Variants in KIAA2012 observed in about 807,000 individuals in gnomAD.
The protein encoded by KIAA2012 is KIAA2012, also known as uncharacterized protein KIAA2012.
Under a neutral mutation model 150.6 loss-of-function variants are expected in KIAA2012, and 125 were observed. The ratio of observed to expected loss-of-function variants is 0.83; its 90% confidence interval spans 0.72 to 0.96. The LOEUF is 0.96. KIAA2012 is among the 40% of genes least tolerant of loss of function. The probability of loss-of-function intolerance (pLI) is 0.00; values close to 1 mark genes in which losing one functional copy is unlikely to be tolerated. For missense variants in KIAA2012, 1,219 were observed against 1,354.9 expected, an observed-to-expected ratio of 0.90 and a Z score of 1.57; for synonymous variants, 462 against 504.7, an observed-to-expected ratio of 0.92 and a Z score of 1.13.
Position 202,080,185 on chromosome 2 carries a change from A to T in KIAA2012, c.369+5010A>T, listed in dbSNP as rs114913758. ...AAAGAAGCATCTCCCCAGCTTTAAC[A>T]GTATGTTTAAAAAGTGGATCTGAGT... On this transcript the variant is annotated intron_variant, in intron 2 of 23. Coordinates refer to ENST00000498697, the MANE Select transcript of KIAA2012 (RefSeq NM_001277372.4). Among the ~76,000 whole-genome samples the T allele has an allele frequency of 1.6e-3, 247 of 152,320 alleles. 1 individual carries two copies. The highest frequency in any genetic ancestry group is 5.6e-3 in the African/African-American group (234 of 41,556).
At chr2:202,091,479 T>C (rs1299470998) in intron 3 of KIAA2012, among the ~76,000 whole-genome samples, 1 of 152,026 alleles carries the variant, frequency 6.6e-6, no homozygotes, top group Non-Finnish European at 1.5e-5. Flanking sequence ...GCGCAATCCA[T>C]TAGGAGTGCG....
In KIAA2012 at chr2:202,121,997, C is replaced by G. The variant is rs144403716; in HGVS notation, c.1763-3217C>G. On this transcript the variant is annotated intron_variant, in intron 11 of 23. Transcript: ENST00000498697. ...GACAGAGAAGGGGAGGGCCAGCCAG[C>G]CGAGACACCAGAATGAACAAAAAGA... Among the ~76,000 whole-genome samples the G allele has an allele frequency of 2.3e-3, 343 of 152,232 alleles. 9 individuals are homozygous for G. Among genetic ancestry groups the G allele is most frequent in the Admixed American group, 0.019 (294 of 15,294 alleles).
intron 14 of KIAA2012, among the ~76,000 whole-genome samples, chr2:202,164,412 T>C (rs1691715697): frequency 6.6e-6 from 1 of 152,192 alleles, no homozygotes; most frequent in African/African-American, 2.4e-5. Context: ...CTGAAACTTC[T>C]CAAATAATTC....
At chr2:202,087,860 C>T (rs1009769922) in intron 2 of KIAA2012, among the ~76,000 whole-genome samples, 2 of 152,080 alleles carry the variant, frequency 1.3e-5, no homozygotes, top group African/African-American at 4.8e-5. Flanking sequence ...ACCTTAGTTT[C>T]ATTGACCAGA....
intron 13 of KIAA2012, among the ~76,000 whole-genome samples, chr2:202,140,040 C>T (rs770613358): frequency 5.9e-5 from 9 of 152,070 alleles, no homozygotes; most frequent in South Asian, 2.1e-4. Flanking sequence ...CCAGCCTGGC[C>T]AACATGGTGA....
At chr2:202,142,096 GA>G in intron 13 of KIAA2012, among the ~76,000 whole-genome samples, 1 of 152,144 alleles carries the variant, frequency 6.6e-6, no homozygotes, top group East Asian at 1.9e-4. Context: ...AAATAAATAT[GA>G]AAAAAATCAT....
At chr2:202,148,918 C>T (rs1463736821) in intron 13 of KIAA2012, among the ~76,000 whole-genome samples, 1 of 152,102 alleles carries the variant, frequency 6.6e-6, no homozygotes, top group Non-Finnish European at 1.5e-5. Flanking sequence ...TCTCAGGGAG[C>T]CCACGGAGTC....
At position 202,190,473 on chromosome 2, in the gene KIAA2012, A is replaced by G. The variant is rs1397370581; in HGVS notation, c.2791A>G (p.Arg931Gly). Residue 931 changes from arginine (R) to glycine (G), a missense_variant, in exon 19 of 24, where the codon AGA becomes GGA. Coordinates refer to ENST00000498697, the MANE Select transcript of KIAA2012 (RefSeq NM_001277372.4). ...TGNMESKEERRCEDPSKALLT... is the reference protein window; with the variant it reads ...TGNMESKEERGCEDPSKALLT... ...CAACATGGAATCTAAAGAAGAGAGA[A>G]GATGTGAGGACCCTTCCAAGGTAGG... 6.5e-7 allele frequency: 1 copy of G among 1,537,044 alleles called. No homozygotes were observed. The highest frequency in any genetic ancestry group is 2.0e-5 in the Admixed American group (1 of 49,226).
In KIAA2012 at chr2:202,187,123, G is replaced by C. The variant is rs922250459; in HGVS notation, c.2376+25G>C. 4 of 1,547,456 alleles carry C rather than the reference G, an allele frequency of 2.6e-6. No homozygotes were observed. The African/African-American group carries it at 5.5e-5, about 21-fold the overall frequency. On this transcript the variant is annotated intron_variant, in intron 17 of 23. Coordinates refer to ENST00000498697, the MANE Select transcript of KIAA2012 (RefSeq NM_001277372.4). ...TGTGAGTGTAAACCCCTAAAAGCTTGGTCCAAAAGCCCTACTTGGATCTCA... is the reference window on the plus strand; with the variant it reads ...TGTGAGTGTAAACCCCTAAAAGCTTCGTCCAAAAGCCCTACTTGGATCTCA...
intron 13 of KIAA2012, among the ~76,000 whole-genome samples, chr2:202,152,060 G>A (rs959961619): frequency 1.3e-5 from 2 of 152,036 alleles, no homozygotes; most frequent in Non-Finnish European, 2.9e-5. Flanking sequence ...CCACTGCACC[G>A]GACCTAGCAT....
At chr2:202,112,025 A>G (rs1690371885) in intron 10 of KIAA2012, among the ~76,000 whole-genome samples, 1 of 152,172 alleles carries the variant, frequency 6.6e-6, no homozygotes. Flanking sequence ...CCTGGTTTCT[A>G]TTACTAAGCT....
intron 7 of KIAA2012, among the ~76,000 whole-genome samples, chr2:202,101,136 T>C (rs1559204180): frequency 6.6e-6 from 1 of 152,330 alleles, no homozygotes; most frequent in East Asian, 1.9e-4. Flanking sequence ...ATGTCAACCT[T>C]ACAGGGCTGG....
At chr2:202,160,441 G>A (rs1346801865) in intron 14 of KIAA2012, among the ~76,000 whole-genome samples, 1 of 150,656 alleles carries the variant, frequency 6.6e-6, no homozygotes, top group Non-Finnish European at 1.5e-5. Flanking sequence ...AGCCTCCCAA[G>A]TAGCTGGGAC....
chr2:202,112,212 C>A (rs1690378468), intron 10 of KIAA2012, among the ~76,000 whole-genome samples: 1 of 151,988 alleles, frequency 6.6e-6, no homozygotes, highest in African/African-American at 2.4e-5. Flanking sequence ...GAGCTTCCAG[C>A]CACAACCTCC....
At chr2:202,181,298 A>T (rs1247472790) in intron 15 of KIAA2012, among the ~76,000 whole-genome samples, 2 of 152,238 alleles carry the variant, frequency 1.3e-5, no homozygotes, top group Non-Finnish European at 2.9e-5. Flanking sequence ...CATTTAGGCC[A>T]GGCGTGGCAG....
At chr2:202,188,080 A>G (rs1681008207) in intron 17 of KIAA2012, 72 bp from the exon 18 acceptor site, 3 of 1,271,358 alleles carry the variant, frequency 2.4e-6, no homozygotes. Context: ...CTTGTTCAAC[A>G]TAATCTTCTT....
At chr2:202,155,624 T>C (rs764025421) in intron 14 of KIAA2012, among the ~76,000 whole-genome samples, 6 of 152,100 alleles carry the variant, frequency 3.9e-5, no homozygotes, top group African/African-American at 7.2e-5. Flanking sequence ...AGGCCTTTGA[T>C]AAGAAATGAC....
At chr2:202,133,673 C>A (rs1691007296) in intron 12 of KIAA2012, among the ~76,000 whole-genome samples, 2 of 152,206 alleles carry the variant, frequency 1.3e-5, no homozygotes, top group Admixed American at 1.3e-4. Context: ...CCTCCAGCAA[C>A]TATTCCCTAC....
At chr2:202,100,575 C>A (rs147181205) in intron 7 of KIAA2012, 126 bp downstream of exon 7, 130 of 1,092,198 alleles carry the variant, frequency 1.2e-4, no homozygotes, top group Middle Eastern at 8.3e-4. Context: ...GCCTCTCTAG[C>A]GTCTGAGCTG....
Sources: allele counts gnomAD v4.1 joint callset (sites outside exome capture counted in the v4.1 genomes callset), GRCh38; gene constraint gnomAD v4.1.1; transcripts MANE v1.5; gene names NCBI Gene and HGNC (gene_info 2026-07-23, HGNC 2026-07-21).